The following CYP4F11 variants were observed in gnomAD, a reference collection of about 807,000 sequenced individuals.
CYP4F11 encodes the protein cytochrome P450 family 4 subfamily F member 11, also known as cytochrome P450 4F11.
In CYP4F11, 79 loss-of-function variants were observed where a neutral mutation model predicts 62.2. That is an observed-to-expected ratio of 1.27 (90% CI 1.06 to 1.53). The LOEUF (loss-of-function observed/expected upper bound fraction) is 1.53, where lower values mean the gene tolerates loss of function less well. CYP4F11 is among the 40% of genes most tolerant of loss of function. The pLI is 0.00. For missense variants in CYP4F11, 777 were observed against 680.5 expected (o/e 1.14, Z -1.58); for synonymous variants, 290 against 263.7 (o/e 1.10, Z -0.97).
rs369765939 is a variant in CYP4F11 at position 15,913,745 on chromosome 19, G to A, written c.1562C>T (p.Ala521Val). ...GLWLRVEPLGANSQ is the reference protein window; with the variant it reads ...GLWLRVEPLGVNSQ ...TGGGTAGGACAGTCACTGTGAGTTCGCACCCAGGGGCTCCACCCGCAGCCA... is the reference window on the plus strand; with the variant it reads ...TGGGTAGGACAGTCACTGTGAGTTCACACCCAGGGGCTCCACCCGCAGCCA... Residue 521 changes from alanine (A) to valine (V), a missense_variant, in exon 12 of 12, where the codon GCG (alanine) becomes GTG (valine). Coordinates refer to ENST00000402119, the MANE Select transcript of CYP4F11 (RefSeq NM_021187.4). 4 of 1,613,966 alleles carry A rather than the reference G, an allele frequency of 2.5e-6. No homozygotes were observed. The African/African-American group carries it at 5.3e-5, about 22-fold the overall frequency.
intron 4 of CYP4F11, 76 bp from the exon 5 acceptor site, chr19:15,924,958 G>C (rs946491545): frequency 2.7e-6 from 4 of 1,485,242 alleles, no homozygotes; most frequent in Middle Eastern, 1.8e-4. Context: ...ACATCAAGAT[G>C]GACTCCCTGC....
intron 6 of CYP4F11, among the ~76,000 whole-genome samples, chr19:15,922,890 C>G (rs369247651): frequency 8.1e-6 from 1 of 123,860 alleles, no homozygotes; most frequent in East Asian, 2.1e-4. Flanking sequence ...CCCGTCCCTA[C>G]TAAAAAAAAA....
Position 15,934,326 on chromosome 19 carries a change from G to A in CYP4F11, c.83C>T (p.Ser28Phe), listed in dbSNP as rs1284883665. The change falls in exon 1 of 12, where the codon TCC (serine) becomes TTC (phenylalanine). Residue 28 changes from serine to phenylalanine, a missense_variant. Coordinates refer to ENST00000402119, the MANE Select transcript of CYP4F11 (RefSeq NM_021187.4). ...PWLLLLLVGG[S>F]WLLARVLAWT... ...GGCCAGGACGCGGGCCAGGAGCCAG[G>A]AGCCTCCAACCAGCAGCAGAAGCAG... The A allele has an allele frequency of 1.9e-6, 3 of 1,612,968 alleles. No individual in the cohort carries two copies. In the South Asian group the frequency reaches 3.3e-5, roughly 18 times the overall value.
Position 15,929,598 on chromosome 19 carries a change from T to C in CYP4F11, c.202A>G (p.Thr68Ala), listed in dbSNP as rs1184302281. Residue 68 changes from threonine to alanine, a missense_variant, in exon 2 of 12, where the codon ACT (threonine) becomes GCT (alanine). Transcript: ENST00000402119. ...GTCTTCATGCCCTCTTCCGTGGGAG[T>C]GACCTGAAAACAAGGCAGAGGCCGT... is the stretch of plus-strand genomic sequence containing the variant. ...NWFWGHQGLV[T>A]PTEEGMKTLT... 1 of 1,594,756 alleles carries C rather than the reference T, an allele frequency of 6.3e-7. No homozygotes were observed. Among genetic ancestry groups the C allele is most frequent in the Non-Finnish European group, 8.6e-7 (1 of 1,169,380 alleles).
intron 1 of CYP4F11, among the ~76,000 whole-genome samples, chr19:15,929,843 G>C (rs1278771083): frequency 1.3e-5 from 2 of 152,168 alleles, no homozygotes; most frequent in Admixed American, 6.5e-5. Flanking sequence ...TGATGGTGCA[G>C]ATACAACAAA....
In CYP4F11 at chr19:15,912,787, A is replaced by ATGTGTGTGTGTG. The variant is rs1568479748; in HGVS notation, c.*944_*945insCACACACACACA. 0.013 allele frequency: 399 copies of ATGTGTGTGTGTG among 30,998 alleles called. 40 individuals are homozygous for ATGTGTGTGTGTG. Among genetic ancestry groups the ATGTGTGTGTGTG allele is most frequent in the African/African-American group, 0.046 (371 of 8,028 alleles). 1.9% of individuals were successfully genotyped at this position (30,998 alleles called of 1,614,324 possible). A position where few individuals can be genotyped will look rare whatever the true frequency, so the allele number is the denominator to read the frequency against. ...TGTGTGTGTGTATATATATATATAT[A>ATGTGTGTGTGTG]TAATATATATATATATATACATATC... On this transcript the variant is annotated 3_prime_UTR_variant, in exon 12 of 12. Coordinates refer to ENST00000402119, the MANE Select transcript of CYP4F11 (RefSeq NM_021187.4).
intron 4 of CYP4F11, among the ~76,000 whole-genome samples, chr19:15,925,680 A>ATG (rs1314640458): frequency 6.7e-6 from 1 of 149,694 alleles, no homozygotes; most frequent in African/African-American, 2.5e-5. Flanking sequence ...CTTAAAGCAA[A>ATG]TGTGTGTGTG....
At chr19:15,932,383 GGGAGAGGAATGAGTGAGTGA>G (rs1433675822) in intron 1 of CYP4F11, among the ~76,000 whole-genome samples, 16 of 77,134 alleles carry the variant, frequency 2.1e-4, no homozygotes, top group East Asian at 3.9e-4. Flanking sequence ...TGAGTGAGCG[GGGAGAGGAATGAGTGAGTGA>G]GGAGAGGAAT....
intron 4 of CYP4F11, 46 bp downstream of exon 4, chr19:15,927,166 C>T (rs1336588295): frequency 6.9e-6 from 11 of 1,600,220 alleles, no homozygotes; most frequent in Non-Finnish European, 9.4e-6. Flanking sequence ...CCTGTGGTCC[C>T]TCTACCCCAA....
At chr19:15,914,741 T>A (rs1302678042) in intron 9 of CYP4F11, 21 bp downstream of exon 9, 2 of 1,613,674 alleles carry the variant, frequency 1.2e-6, no homozygotes, top group East Asian at 2.2e-5. Flanking sequence ...AGGAGGCTCC[T>A]CCCCCTGAGG....
intron 11 of CYP4F11, among the ~76,000 whole-genome samples, 166 bp from the exon 12 acceptor site, chr19:15,914,075 A>G (rs946216552): frequency 6.6e-6 from 1 of 152,010 alleles, no homozygotes; most frequent in Admixed American, 6.6e-5. Flanking sequence ...TATCCCCCAA[A>G]CCTGGCCCAG....
intron 8 of CYP4F11, among the ~76,000 whole-genome samples, chr19:15,915,927 T>C: frequency 6.6e-6 from 1 of 151,972 alleles, no homozygotes; most frequent in Non-Finnish European, 1.5e-5. Flanking sequence ...ATAATGATAA[T>C]AATATAAAAT....
rs951172423 is a variant in CYP4F11 at position 15,913,277 on chromosome 19, T to C, written c.*455A>G. The C allele has an allele frequency of 2.5e-5, 4 of 162,732 alleles. No individual in the cohort carries two copies. The highest frequency in any genetic ancestry group is 1.1e-4 in the Admixed American group (2 of 17,852). The allele number at this position is 162,732 out of a possible 1,614,324, so 10.1% of individuals were successfully genotyped here. On this transcript the variant is annotated 3_prime_UTR_variant, in exon 12 of 12. Transcript: ENST00000402119. ...GGTGGAAAAAGGAACTAAAAATTTC[T>C]GAGAGCCTGCCAGGGTGGAAGCTGC... is the stretch of plus-strand genomic sequence containing the variant.
chr19:15,914,417 G>A, intron 10 of CYP4F11, 30 bp from the exon 11 acceptor site: 1 of 1,607,136 alleles, frequency 6.2e-7, no homozygotes, highest in Non-Finnish European at 8.5e-7. Flanking sequence ...GGCTTGCTGG[G>A]TGGGGTCACC....
At position 15,924,099 on chromosome 19, in the gene CYP4F11, A is replaced by G; in HGVS notation, c.648-17T>C. The G allele has an allele frequency of 6.2e-7, 1 of 1,608,668 alleles. No individual in the cohort carries two copies. The highest frequency in any genetic ancestry group is 1.1e-5 in the South Asian group (1 of 90,618). On this transcript the variant is annotated splice_polypyrimidine_tract_variant and intron_variant, in intron 5 of 11. Transcript: ENST00000402119. Reference sequence around the variant, plus strand: ...CTGGGCTTCCTGCATGAAGGAGGTAACAACTTAACATATGCAAAGTCCCAG... The same window carrying G: ...CTGGGCTTCCTGCATGAAGGAGGTAGCAACTTAACATATGCAAAGTCCCAG...
At chr19:15,915,956 C>G (rs937397040) in intron 8 of CYP4F11, among the ~76,000 whole-genome samples, 2 of 151,766 alleles carry the variant, frequency 1.3e-5, no homozygotes, top group Non-Finnish European at 2.9e-5. Context: ...TAAATTTTAA[C>G]AAGAGACGTA....
intron 4 of CYP4F11, among the ~76,000 whole-genome samples, chr19:15,926,549 A>C (rs7249167): frequency 2.6e-5 from 4 of 152,166 alleles, no homozygotes; most frequent in Admixed American, 2.6e-4. Flanking sequence ...AGTCTGTGCT[A>C]ACCTAAGCCT....
upstream of CYP4F11, chr19:15,934,552 G>A (rs958450614): frequency 1.0e-6 from 1 of 977,598 alleles, no homozygotes; most frequent in Non-Finnish European, 1.4e-6. Flanking sequence ...CAAGAGCTGA[G>A]ATCTAAAGTC....
chr19:15,922,317 A>G (rs2089635552), intron 7 of CYP4F11, 47 bp downstream of exon 7: 1 of 1,611,190 alleles, frequency 6.2e-7, no homozygotes, highest in Middle Eastern at 1.7e-4. Context: ...CGTTCCTGGG[A>G]TGGAGAGGCC....
Sources: allele counts gnomAD v4.1 joint callset (sites outside exome capture counted in the v4.1 genomes callset), GRCh38; gene constraint gnomAD v4.1.1; transcripts MANE v1.5; gene names NCBI Gene and HGNC (gene_info 2026-07-23, HGNC 2026-07-21).